The following RNF168 variants were observed in gnomAD, a reference collection of about 807,000 sequenced individuals.
RNF168 encodes the protein ring finger protein 168.
Under a neutral mutation model 34.9 loss-of-function variants are expected in RNF168, and 34 were observed. The ratio of observed to expected loss-of-function variants is 0.97; its 90% CI spans 0.74 to 1.30. RNF168 has a LOEUF of 1.30. Among genes scored for constraint, RNF168 ranks in the 50% most tolerant of loss-of-function variants. The pLI is 0.00. For missense variants in RNF168, 725 were observed against 682.5 expected, an observed-to-expected ratio of 1.06 and a Z score of -0.69; for synonymous variants, 264 against 254.7, an observed-to-expected ratio of 1.04 and a Z score of -0.35.
chr3:196,488,518 G>A lies in RNF168; in HGVS notation c.378+89C>T, dbSNP rs1425846498. 3 of 754,294 alleles carry A rather than the reference G, an allele frequency of 4.0e-6. No homozygotes were observed. In the Admixed American group the frequency reaches 6.8e-5, roughly 17 times the overall value. The allele number at this position is 754,294 out of a possible 1,614,324, so 46.7% of individuals were successfully genotyped here. On this transcript the variant is annotated intron_variant, in intron 2 of 5. Coordinates refer to ENST00000318037, the MANE Select transcript of RNF168 (RefSeq NM_152617.4). ...ATTATCCATATTTCAAGATATACTAGTTATATAAGCACAAAAAACTAAATT... is the reference window on the plus strand; with the variant it reads ...ATTATCCATATTTCAAGATATACTAATTATATAAGCACAAAAAACTAAATT...
chr3:196,470,289 C>A lies in RNF168; in HGVS notation c.*1530G>T, dbSNP rs1022133201. On this transcript the variant is annotated 3_prime_UTR_variant, in exon 6 of 6. Transcript: ENST00000318037. The stretch of plus-strand genomic sequence containing the variant: ...ACCCAATCAGTTTCAATGATCCAGA[C>A]TGTCAGTCACCCCATCCAGCCACAT... 1 of 153,062 alleles carries A rather than the reference C, an allele frequency of 6.5e-6. No homozygotes were observed. The highest frequency in any genetic ancestry group is 1.5e-5 in the Non-Finnish European group (1 of 68,658). The allele number at this position is 153,062 out of a possible 1,614,324, so 9.5% of individuals were successfully genotyped here.
chr3:196,498,003 A>T (rs971457402), intron 1 of RNF168, among the ~76,000 whole-genome samples: 4 of 152,224 alleles, frequency 2.6e-5, no homozygotes, highest in African/African-American at 4.8e-5. Context: ...ATTGAAATTA[A>T]AACAAGATAC....
rs757898985 is a variant in RNF168 at position 196,502,957 on chromosome 3, T to C, written c.217A>G (p.Asn73Asp). 1.2e-6 allele frequency: 2 copies of C among 1,613,792 alleles called. No individual in the cohort carries two copies. Among genetic ancestry groups the C allele is most frequent in the South Asian group, 2.2e-5 (2 of 91,076 alleles). ...RYHTRRNSLV[N>D]VELWTIIQKH... Reference sequence around the variant, plus strand: ...TGAATTATCGTCCACAGTTCCACGTTGACGAGAGAATTTCTTCGGGTATGG... The same window carrying C: ...TGAATTATCGTCCACAGTTCCACGTCGACGAGAGAATTTCTTCGGGTATGG... Residue 73 changes from asparagine to aspartate, a missense_variant, in exon 1 of 6, where the codon AAC becomes GAC. Transcript: ENST00000318037.
chr3:196,485,842 G>A (rs982945200), intron 3 of RNF168, among the ~76,000 whole-genome samples: 6 of 151,818 alleles, frequency 4.0e-5, no homozygotes, highest in Non-Finnish European at 7.4e-5. Flanking sequence ...TAAGATATTC[G>A]TTGTTTGAAA....
At chr3:196,499,550 C>T (rs1434509727) in intron 1 of RNF168, among the ~76,000 whole-genome samples, 1 of 152,148 alleles carries the variant, frequency 6.6e-6, no homozygotes, top group East Asian at 1.9e-4. Context: ...AGCCCGGACG[C>T]GGTGGCTCAC....
chr3:196,478,898 G>A (rs1170490699), intron 4 of RNF168, among the ~76,000 whole-genome samples: 1 of 150,900 alleles, frequency 6.6e-6, no homozygotes, highest in African/African-American at 2.4e-5. Flanking sequence ...TTGTATTTTT[G>A]GTAGAGACAG....
intron 3 of RNF168, among the ~76,000 whole-genome samples, chr3:196,486,162 T>A (rs1732416359): frequency 3.9e-5 from 6 of 152,198 alleles, no homozygotes; most frequent in Admixed American, 2.6e-4. Context: ...ATCTAAAAAT[T>A]TAATGTGCCT....
In RNF168 at chr3:196,483,905, A is replaced by C; in HGVS notation, c.559-14T>G. ...ACAGAAATTGTTCTTCAACAATAGAAAAAGCATAACAGACATTATGAGAGA... is the reference window on the plus strand; with the variant it reads ...ACAGAAATTGTTCTTCAACAATAGACAAAGCATAACAGACATTATGAGAGA... On this transcript the variant is annotated splice_polypyrimidine_tract_variant and intron_variant, in intron 3 of 5. Transcript: ENST00000318037. 1.9e-6 allele frequency: 3 copies of C among 1,594,290 alleles called. No individual in the cohort carries two copies. Among genetic ancestry groups the C allele is most frequent in the Non-Finnish European group, 2.6e-6 (3 of 1,162,194 alleles).
intron 1 of RNF168, among the ~76,000 whole-genome samples, chr3:196,489,148 G>A (rs988890341): frequency 1.3e-5 from 2 of 152,148 alleles, no homozygotes; most frequent in South Asian, 4.1e-4. Flanking sequence ...GAGCCACCAC[G>A]CCCGGCCTGG....
intron 3 of RNF168, among the ~76,000 whole-genome samples, chr3:196,485,735 A>C (rs148725417): frequency 6.6e-6 from 1 of 152,118 alleles, no homozygotes; most frequent in Non-Finnish European, 1.5e-5. Context: ...AAAAGAAAAA[A>C]ATTCCCAATT....
rs1731993963 is a variant in RNF168 at position 196,471,201 on chromosome 3, A to ATT, written c.*617_*618insAA. The ATT allele has an allele frequency of 1.3e-5, 1 of 79,096 alleles. No individual in the cohort carries two copies. Among genetic ancestry groups the ATT allele is most frequent in the African/African-American group, 6.8e-5 (1 of 14,798 alleles). The allele number at this position is 79,096 out of a possible 1,614,324, so 4.9% of individuals were successfully genotyped here. On this transcript the variant is annotated 3_prime_UTR_variant, in exon 6 of 6. Coordinates refer to ENST00000318037, the MANE Select transcript of RNF168 (RefSeq NM_152617.4). ...ACAGAGCAAGACTCTGTCTCCAAAA[A>ATT]AAAAAAAAAAAAAAAAAAAAAAAAA... is the stretch of plus-strand genomic sequence containing the variant.
chr3:196,494,702 TG>T (rs1159044623), intron 1 of RNF168, among the ~76,000 whole-genome samples: 1 of 152,194 alleles, frequency 6.6e-6, no homozygotes, highest in Non-Finnish European at 1.5e-5. Context: ...TACATCAGTG[TG>T]GCTGGATCAT....
chr3:196,477,367 G>T (rs1044744581), intron 4 of RNF168, among the ~76,000 whole-genome samples: 1 of 152,178 alleles, frequency 6.6e-6, no homozygotes, highest in African/African-American at 2.4e-5. Flanking sequence ...AAGTTACACT[G>T]TGTCAAAAGC....
chr3:196,483,857 G>A lies in RNF168; in HGVS notation c.593C>T (p.Pro198Leu), dbSNP rs773421868. Residue 198 changes from proline (P) to leucine (L), a missense_variant, in exon 4 of 6, where the codon CCC (proline) becomes CTC (leucine). Pro to Leu is a moderately conservative substitution (Grantham distance 98, BLOSUM62 -3). Coordinates refer to ENST00000318037, the MANE Select transcript of RNF168 (RefSeq NM_152617.4). ...NFCEGSISAS[P>L]LNSRKSDPVT... ...TGGATCAGATTTTCTGGAATTCAAG[G>A]GAGAAGCCGAGATACTTCCCTCACA... 2 of 1,609,890 alleles carry A rather than the reference G, an allele frequency of 1.2e-6. No individual in the cohort carries two copies. Among genetic ancestry groups the A allele is most frequent in the South Asian group, 1.1e-5 (1 of 90,970 alleles).
intron 4 of RNF168, among the ~76,000 whole-genome samples, chr3:196,483,455 T>C (rs1438089317): frequency 6.6e-6 from 1 of 152,232 alleles, no homozygotes; most frequent in African/African-American, 2.4e-5. Context: ...TCAGTGAAGA[T>C]AAGCCTATCT....
chr3:196,497,517 A>T (rs576747272), intron 1 of RNF168, among the ~76,000 whole-genome samples: 2 of 152,122 alleles, frequency 1.3e-5, no homozygotes, highest in Non-Finnish European at 2.9e-5. Context: ...AAAAAATACA[A>T]AAATTAGCCA....
chr3:196,471,691 G>C lies in RNF168; in HGVS notation c.*128C>G. 2.7e-6 allele frequency: 2 copies of C among 737,640 alleles called. No homozygotes were observed. The highest frequency in any genetic ancestry group is 4.9e-6 in the Non-Finnish European group (2 of 411,884). The allele number at this position is 737,640 out of a possible 1,614,324, so 45.7% of individuals were successfully genotyped here. Reference sequence around the variant, plus strand: ...TCTATGCAGTCCTTACAATCACACAGACCTTCATTAAGGACAATGAGTGTG... The same window carrying C: ...TCTATGCAGTCCTTACAATCACACACACCTTCATTAAGGACAATGAGTGTG... On this transcript the variant is annotated 3_prime_UTR_variant, in exon 6 of 6. Coordinates refer to ENST00000318037, the MANE Select transcript of RNF168 (RefSeq NM_152617.4).
intron 1 of RNF168, among the ~76,000 whole-genome samples, chr3:196,493,509 T>C (rs1732645625): frequency 6.6e-6 from 1 of 151,754 alleles, no homozygotes; most frequent in Non-Finnish European, 1.5e-5. Context: ...TGTGAGCCAC[T>C]GCATCCAGTC....
Position 196,483,745 on chromosome 3 carries a change from A to G in RNF168, c.680+25T>C, listed in dbSNP as rs184074596. On this transcript the variant is annotated intron_variant, in intron 4 of 5. Transcript: ENST00000318037. Reference sequence around the variant, plus strand: ...CTGGCATACAGTAGGAGGTCAACAAATAATTCATAGTCATGTTCACTTACT... The same window carrying G: ...CTGGCATACAGTAGGAGGTCAACAAGTAATTCATAGTCATGTTCACTTACT... The G allele has an allele frequency of 6.2e-6, 10 of 1,600,882 alleles. No homozygotes were observed. The African/African-American group carries it at 1.2e-4, about 19-fold the overall frequency.
Sources: gnomAD v4.1 joint callset for allele counts (sites outside exome capture counted in the v4.1 genomes callset) on GRCh38, gnomAD v4.1.1 for gene constraint, MANE v1.5 for transcripts, NCBI Gene and HGNC (gene_info 2026-07-23, HGNC 2026-07-21) for gene names.